PCGF3: variants seen among roughly 807,000 people sequenced by gnomAD.
PCGF3 encodes polycomb group RING finger protein 3.
In PCGF3, 7 loss-of-function variants were observed where a neutral mutation model predicts 33.1. The ratio of observed to expected loss-of-function variants is 0.21; its 90% CI spans 0.12 to 0.40. The LOEUF is 0.40. Ranked by LOEUF, PCGF3 falls within the 10% of genes least tolerant of loss-of-function variation. PCGF3 has a pLI of 1.00. For synonymous variants in PCGF3, 153 were observed against 121.3 expected, an observed-to-expected ratio of 1.26 and a Z score of -1.72; for missense variants, 211 against 313.3, an observed-to-expected ratio of 0.67 and a Z score of 2.46.
At chr4:733,527 C>T (rs1471613056) in intron 3 of PCGF3, 145 bp from the exon 4 acceptor site, 1 of 740,058 alleles carries the variant, frequency 1.4e-6, no homozygotes, top group Non-Finnish European at 2.2e-6. Flanking sequence ...ACATGGGAGC[C>T]TGGGACCCCG....
intron 1 of PCGF3, among the ~76,000 whole-genome samples, chr4:726,458 C>A (rs1743337229): frequency 6.6e-6 from 1 of 152,226 alleles, no homozygotes; most frequent in African/African-American, 2.4e-5. Context: ...TAGGTTGTGG[C>A]CCTGGAGGCA....
At chr4:730,935 G>A in intron 2 of PCGF3, 35 bp from the exon 3 acceptor site, 1 of 398,102 alleles carries the variant, frequency 2.5e-6, no homozygotes, top group East Asian at 3.6e-5. Context: ...CATCCATGAC[G>A]CGAAGTGAAC....
At chr4:743,288 C>T (rs1019509102) in intron 6 of PCGF3, among the ~76,000 whole-genome samples, 186 bp from the exon 7 acceptor site, 3 of 152,172 alleles carry the variant, frequency 2.0e-5, no homozygotes, top group Admixed American at 1.3e-4. Flanking sequence ...GGCGGGTGCC[C>T]GGGGGGTGCG....
chr4:738,649 A>G (rs1330815743), intron 6 of PCGF3, among the ~76,000 whole-genome samples: 2 of 151,134 alleles, frequency 1.3e-5, no homozygotes, highest in African/African-American at 2.4e-5. Flanking sequence ...AGAGTTTGAG[A>G]CCAGCCAGAC....
chr4:737,526 GTGTC>G lies in PCGF3; in HGVS notation c.262+8_262+11del. 6.3e-7 allele frequency: 1 copy of G among 1,584,144 alleles called. No individual in the cohort carries two copies. The highest frequency in any genetic ancestry group is 8.7e-7 in the Non-Finnish European group (1 of 1,152,850). ...TGGTACCAGGCCTCCAAGAAGGTGA[GTGTC>G]TGACTGTCTTGCTGATCCCTGAGGT... On this transcript the variant is annotated splice_donor_region_variant and intron_variant, in intron 6 of 10. Transcript: ENST00000362003.
intron 3 of PCGF3, chr4:732,412 T>A (rs1204663698): frequency 6.8e-6 from 1 of 147,444 alleles, no homozygotes; most frequent in Non-Finnish European, 1.5e-5. Context: ...TCCCGTGTCC[T>A]CAGTATGCAT....
intron 1 of PCGF3, among the ~76,000 whole-genome samples, chr4:722,697 CTGT>C (rs1743146697): frequency 8.3e-6 from 1 of 119,804 alleles, no homozygotes; most frequent in Admixed American, 8.0e-5. Flanking sequence ...GCGTCATCAC[CTGT>C]CTGCGCTGGG....
chr4:754,884 G>C (rs1023139480), intron 8 of PCGF3, among the ~76,000 whole-genome samples: 4 of 152,230 alleles, frequency 2.6e-5, no homozygotes, highest in Admixed American at 6.5e-5. Flanking sequence ...TGCAGCACTG[G>C]GTTTGGGGCA....
In PCGF3 at chr4:720,261, G is replaced by A. The variant is rs1217471367; in HGVS notation, c.-189-10369G>A. On this transcript the variant is annotated intron_variant, in intron 1 of 10. Coordinates refer to ENST00000362003, the Ensembl canonical transcript of PCGF3. The surrounding 1 kb of genome is among the most constrained non-coding windows in gnomAD (Gnocchi z 5.6). ...GAGGGTGACCGCGGGAGGAGCGCCC[G>A]TGCATCGCTGCAGAGGGTGACTGCG... is the stretch of plus-strand genomic sequence containing the variant. Among the ~76,000 whole-genome samples the A allele has an allele frequency of 2.6e-5, 4 of 152,108 alleles. No individual in the cohort carries two copies. The highest frequency in any genetic ancestry group is 4.4e-5 in the Non-Finnish European group (3 of 68,020).
chr4:749,710 C>T (rs1232932520), intron 8 of PCGF3, among the ~76,000 whole-genome samples: 1 of 152,152 alleles, frequency 6.6e-6, no homozygotes, highest in Non-Finnish European at 1.5e-5. Context: ...TGGTCTTGAA[C>T]TCCTGACCTC....
At chr4:753,638 G>A (rs1304128207) in intron 8 of PCGF3, among the ~76,000 whole-genome samples, 21 of 144,938 alleles carry the variant, frequency 1.4e-4, no homozygotes, top group African/African-American at 3.6e-4. Flanking sequence ...GCGAGAGTCC[G>A]GTCTCAAAAA....
At chr4:718,048 TA>T (rs1404356381) in intron 1 of PCGF3, among the ~76,000 whole-genome samples, 5 of 152,146 alleles carry the variant, frequency 3.3e-5, no homozygotes, top group African/African-American at 1.2e-4. Flanking sequence ...GATTGGTTTC[TA>T]GGGGGGCCCA....
At chr4:766,299 C>G in exon 11 of PCGF3, 2 of 508,844 alleles carry the variant, frequency 3.9e-6, no homozygotes, top group Non-Finnish European at 7.0e-6. Context: ...GCCGATCGTC[C>G]TCTCCCCCGC....
chr4:711,623 A>G (rs1270730800), intron 1 of PCGF3, among the ~76,000 whole-genome samples: 1 of 146,328 alleles, frequency 6.8e-6, no homozygotes, highest in African/African-American at 2.5e-5. Context: ...GCGCCCGGCT[A>G]ATTTTTTGTA....
chr4:762,123 G>T, intron 9 of PCGF3: 1 of 981,808 alleles, frequency 1.0e-6, no homozygotes. Flanking sequence ...GGTGGCCCCA[G>T]AAGATAAGCC....
chr4:769,903 A>T (rs1028907199), exon 11 of PCGF3: 5 of 152,580 alleles, frequency 3.3e-5, no homozygotes, highest in Non-Finnish European at 5.9e-5. Flanking sequence ...TTGACTGTTT[A>T]ATTTGAAAGT....
At chr4:739,527 C>G (rs1743992748) in intron 6 of PCGF3, among the ~76,000 whole-genome samples, 1 of 152,234 alleles carries the variant, frequency 6.6e-6, no homozygotes, top group Non-Finnish European at 1.5e-5. Flanking sequence ...CCAGAGAATA[C>G]CACTGACTCA....
At position 766,016 on chromosome 4, in the gene PCGF3, T is replaced by C; in HGVS notation, c.682-16T>C. On this transcript the variant is annotated splice_polypyrimidine_tract_variant and intron_variant, in intron 10 of 10. Coordinates refer to ENST00000362003, the Ensembl canonical transcript of PCGF3. ...ACCCCTGCTAAGCAGGCACTGTGCG[T>C]TCTTGTGTCTTCCAGAAGGCGCCGC... 2 of 1,613,630 alleles carry C rather than the reference T, an allele frequency of 1.2e-6. No individual in the cohort carries two copies. The highest frequency in any genetic ancestry group is 1.7e-6 in the Non-Finnish European group (2 of 1,179,554).
chr4:719,890 C>G (rs1743003910), intron 1 of PCGF3, among the ~76,000 whole-genome samples: 1 of 152,092 alleles, frequency 6.6e-6, no homozygotes, highest in Admixed American at 6.5e-5. Context: ...AGCGTCGGGG[C>G]CGCATTATAG....
Sources: gnomAD v4.1 joint callset for allele counts (sites outside exome capture counted in the v4.1 genomes callset) on GRCh38, gnomAD v4.1.1 for gene constraint, Gnocchi (gnomAD v3.1) non-coding constraint, MANE v1.5 for transcripts, NCBI Gene and HGNC (gene_info 2026-07-23, HGNC 2026-07-21) for gene names.